Variants in STRBP observed in about 807,000 individuals in gnomAD.
STRBP encodes the protein spermatid perinuclear RNA-binding protein.
In STRBP, 13 loss-of-function variants were observed where a neutral mutation model predicts 80.1. The observed-to-expected ratio is 0.16, with a 90% confidence interval of 0.11 to 0.26. The LOEUF (loss-of-function observed/expected upper bound fraction) is 0.26, where lower values mean the gene tolerates loss of function less well. Ranked by LOEUF, STRBP falls within the 10% of genes least tolerant of loss-of-function variation. The probability of loss-of-function intolerance (pLI) is 1.00; values close to 1 mark genes in which losing one functional copy is unlikely to be tolerated. For synonymous variants in STRBP, 284 were observed against 291.2 expected (o/e 0.98, Z 0.25); for missense variants, 485 against 815.2 (o/e 0.59, Z 4.93).
chr9:123,252,750 AT>A (rs1196179817), intron 1 of STRBP, among the ~76,000 whole-genome samples: 7 of 152,220 alleles, frequency 4.6e-5, no homozygotes, highest in Non-Finnish European at 7.3e-5. Flanking sequence ...CCTTAAAAAA[AT>A]CTCTTTGTCC....
chr9:123,251,032 C>G (rs1643928054), intron 1 of STRBP, among the ~76,000 whole-genome samples: 1 of 152,116 alleles, frequency 6.6e-6, no homozygotes, highest in South Asian at 2.1e-4. Flanking sequence ...GAGGCTGAGG[C>G]AGGCAGACCA....
Position 123,122,535 on chromosome 9 carries a change from C to T in STRBP, c.*3062G>A. ...ATTTGAGAGAGACTACAAACGACTTCAGAACTATATAAACTCAACTCCTTA... is the reference window on the plus strand; with the variant it reads ...ATTTGAGAGAGACTACAAACGACTTTAGAACTATATAAACTCAACTCCTTA... On this transcript the variant is annotated 3_prime_UTR_variant, in exon 19 of 19. Coordinates refer to ENST00000348403, the MANE Select transcript of STRBP (RefSeq NM_018387.5). 3 of 1,168,446 alleles carry T rather than the reference C, an allele frequency of 2.6e-6. No homozygotes were observed. The highest frequency in any genetic ancestry group is 2.1e-6 in the Non-Finnish European group (2 of 935,802). The allele number at this position is 1,168,446 out of a possible 1,614,324, so 72.4% of individuals were successfully genotyped here.
intron 11 of STRBP, among the ~76,000 whole-genome samples, chr9:123,152,266 G>A (rs540965780): frequency 3.5e-4 from 53 of 152,178 alleles, no homozygotes. Context: ...AATAGAAAAA[G>A]AAGGAATAGG....
intron 1 of STRBP, among the ~76,000 whole-genome samples, chr9:123,243,919 A>G (rs956694963): frequency 5.9e-5 from 9 of 152,228 alleles, no homozygotes; most frequent in African/African-American, 2.2e-4. Flanking sequence ...GTGCTCCTAG[A>G]TATTTATCTA....
chr9:123,111,554 C>G (rs536359500), intron 3 of STRBP: 1 of 467,916 alleles, frequency 2.1e-6, no homozygotes. Flanking sequence ...AGGGGCAGGG[C>G]TGGCCTGAGC....
intron 11 of STRBP, 137 bp downstream of exon 11, chr9:123,157,875 T>A: frequency 2.9e-6 from 2 of 680,348 alleles, no homozygotes; most frequent in Non-Finnish European, 5.1e-6. Flanking sequence ...CCAACCTATA[T>A]CAGTCAGGAA....
At chr9:123,199,200 C>T (rs1588087069) in intron 2 of STRBP, among the ~76,000 whole-genome samples, 1 of 152,210 alleles carries the variant, frequency 6.6e-6, no homozygotes, top group Non-Finnish European at 1.5e-5. Context: ...TCCCAAAGTG[C>T]TGGGATTACG....
intron 1 of STRBP, among the ~76,000 whole-genome samples, chr9:123,241,334 T>C (rs1346203036): frequency 6.6e-6 from 1 of 151,970 alleles, no homozygotes; most frequent in Non-Finnish European, 1.5e-5. Flanking sequence ...AGAATTTGTC[T>C]CTACAAAAAA....
chr9:123,200,734 A>AGTTTTTTTTTTTT (rs2039290027), intron 2 of STRBP, among the ~76,000 whole-genome samples: 1 of 37,512 alleles, frequency 2.7e-5, no homozygotes, highest in Non-Finnish European at 4.2e-5. Context: ...CACCCCGCTA[A>AGTTTTTTTTTTTT]TTTTTTTTTT....
chr9:123,162,833 T>C (rs1195575717), intron 6 of STRBP, among the ~76,000 whole-genome samples: 2 of 152,268 alleles, frequency 1.3e-5, no homozygotes, highest in Non-Finnish European at 2.9e-5. Flanking sequence ...TCATAGGTGA[T>C]ATAGCTCAAT....
intron 6 of STRBP, among the ~76,000 whole-genome samples, chr9:123,168,500 A>G (rs1316963431): frequency 6.6e-6 from 1 of 152,226 alleles, no homozygotes; most frequent in African/African-American, 2.4e-5. Context: ...AAGTGATTCT[A>G]TGAGTCATGT....
At chr9:123,147,201 T>C in intron 12 of STRBP, 147 bp from the exon 13 acceptor site, 1 of 555,622 alleles carries the variant, frequency 1.8e-6, no homozygotes, top group East Asian at 2.8e-5. Flanking sequence ...TCATAAGTAA[T>C]TCTAAAATTA....
At chr9:123,195,224 C>T (rs1195915490) in intron 2 of STRBP, among the ~76,000 whole-genome samples, 1 of 152,136 alleles carries the variant, frequency 6.6e-6, no homozygotes, top group Non-Finnish European at 1.5e-5. Flanking sequence ...TTGTTCATGC[C>T]AAAAACTTGA....
intron 2 of STRBP, among the ~76,000 whole-genome samples, chr9:123,204,787 G>A (rs989281282): frequency 2.6e-5 from 4 of 151,886 alleles, no homozygotes; most frequent in African/African-American, 9.7e-5. Context: ...AGCCAGGCAT[G>A]GTGGCGGATG....
At chr9:123,198,700 A>G (rs1023585577) in intron 2 of STRBP, among the ~76,000 whole-genome samples, 7 of 152,112 alleles carry the variant, frequency 4.6e-5, no homozygotes, top group Non-Finnish European at 8.8e-5. Context: ...TTTTTCCAAC[A>G]TTACCTTCTA....
At position 123,115,920 on chromosome 9, in the gene STRBP, T is replaced by TA. The variant is rs2035637679; in HGVS notation, c.*84+8dup. On this transcript the variant is annotated intron_variant and NMD_transcript_variant, in intron 3 of 3. Transcript: ENST00000471564. This position sits in a 1 kb window ranked among gnomAD's most constrained non-coding sequence, Gnocchi z 5.0. Reference sequence around the variant, plus strand: ...CATACAACAAATAAATATAATCCCTTAAAAATACCTGGCAGGAGTGCCCAC... The same window carrying TA: ...CATACAACAAATAAATATAATCCCTTAAAAAATACCTGGCAGGAGTGCCCAC... 1 of 432,348 alleles carries TA rather than the reference T, an allele frequency of 2.3e-6. No homozygotes were observed. 26.8% of individuals were successfully genotyped at this position (432,348 alleles called of 1,614,324 possible).
intron 1 of STRBP, among the ~76,000 whole-genome samples, chr9:123,247,489 G>A (rs1033546784): frequency 2.6e-5 from 4 of 152,106 alleles, no homozygotes; most frequent in Non-Finnish European, 4.4e-5. Context: ...GGCTGGTCTC[G>A]AACTCCAGAC....
intron 3 of STRBP, chr9:123,114,698 TC>T (rs2035617580): frequency 5.5e-6 from 1 of 181,564 alleles, no homozygotes; most frequent in Admixed American, 6.0e-5. Flanking sequence ...GTCAGTATCT[TC>T]CTCCATTCCC....
chr9:123,114,997 C>T, intron 3 of STRBP: 1 of 360,760 alleles, frequency 2.8e-6, no homozygotes, highest in Non-Finnish European at 5.7e-6. Flanking sequence ...TCAGCCTTGC[C>T]TCCTGACTCT....
Sources: allele counts gnomAD v4.1 joint callset (sites outside exome capture counted in the v4.1 genomes callset), GRCh38; gene constraint gnomAD v4.1.1; non-coding constraint Gnocchi (gnomAD v3.1); transcripts MANE v1.5; gene names NCBI Gene and HGNC (gene_info 2026-07-23, HGNC 2026-07-21).